Variants in TNFAIP8L3 observed in about 807,000 individuals in gnomAD.
TNFAIP8L3 encodes the protein tumor necrosis factor alpha-induced protein 8-like protein 3.
In TNFAIP8L3, 7 loss-of-function variants were observed where a neutral mutation model predicts 11.8. The observed-to-expected ratio is 0.59, with a 90% CI of 0.34 to 1.11. The LOEUF (loss-of-function observed/expected upper bound fraction) is 1.11, where lower values mean the gene tolerates loss of function less well. TNFAIP8L3 is among the 50% of genes most tolerant of loss of function. TNFAIP8L3 has a pLI of 0.03. For synonymous variants in TNFAIP8L3, 98 were observed against 103.8 expected, an observed-to-expected ratio of 0.94 and a Z score of 0.34; for missense variants, 219 against 258.6, an observed-to-expected ratio of 0.85 and a Z score of 1.05.
chr15:51,062,622 A>G (rs1328001439), intron 1 of TNFAIP8L3, among the ~76,000 whole-genome samples: 1 of 152,260 alleles, frequency 6.6e-6, no homozygotes, highest in African/African-American at 2.4e-5. Flanking sequence ...CTGCAAGAGC[A>G]GCAGCCTTCC....
At chr15:51,087,769 C>T (rs2065439823) in intron 1 of TNFAIP8L3, among the ~76,000 whole-genome samples, 1 of 151,814 alleles carries the variant, frequency 6.6e-6, no homozygotes, top group African/African-American at 2.4e-5. Flanking sequence ...TTTCCATGAA[C>T]AGGCTCAAAT....
intron 1 of TNFAIP8L3, among the ~76,000 whole-genome samples, chr15:51,078,910 T>G (rs185662740): frequency 6.6e-6 from 1 of 152,304 alleles, no homozygotes; most frequent in East Asian, 1.9e-4. Context: ...TCATGGTTTC[T>G]TCCCCGAATG....
intron 1 of TNFAIP8L3, among the ~76,000 whole-genome samples, chr15:51,083,765 G>A (rs2065408404): frequency 6.6e-6 from 1 of 152,242 alleles, no homozygotes; most frequent in Admixed American, 6.5e-5. Flanking sequence ...GAAAGCAAGG[G>A]CTGAGGCTAG....
chr15:51,058,284 T>A lies in TNFAIP8L3; in HGVS notation c.212A>T (p.Lys71Met). The stretch of plus-strand genomic sequence containing the variant: ...TTTCATGATCTTGTGGGCTTCCTTC[T>A]TGTTGTGTGTGTGCTCTTTGGTGAC... ...YKVTKEHTHN[K>M]KEAHKIMKDL... Residue 71 changes from lysine to methionine, a missense_variant, in exon 2 of 2, where the codon AAG (lysine) becomes ATG (methionine). Physicochemically the swap from Lys to Met is moderately conservative, Grantham distance 95. Transcript: ENST00000637513. 1 of 1,614,230 alleles carries A rather than the reference T, an allele frequency of 6.2e-7. No individual in the cohort carries two copies. The highest frequency in any genetic ancestry group is 8.5e-7 in the Non-Finnish European group (1 of 1,180,032).
chr15:51,089,738 A>C (rs981153344), intron 1 of TNFAIP8L3, among the ~76,000 whole-genome samples: 25 of 152,250 alleles, frequency 1.6e-4, no homozygotes, highest in Admixed American at 5.9e-4. Context: ...CAAGATGCTC[A>C]TTCACTTACT....
chr15:51,091,676 G>GCACACACA lies in TNFAIP8L3; in HGVS notation c.52+2860_52+2867dup, dbSNP rs3077947. ...AGGTAAACTAAAAAGACCTCCTCAAGCACACACACACACACACACACACAC... is the reference window on the plus strand; with the variant it reads ...AGGTAAACTAAAAAGACCTCCTCAAGCACACACACACACACACACACACACACACACAC... On this transcript the variant is annotated intron_variant, in intron 1 of 1. Coordinates refer to ENST00000637513, the MANE Select transcript of TNFAIP8L3 (RefSeq NM_001311175.2). 4.8e-3 allele frequency among the ~76,000 whole-genome samples: 693 copies of GCACACACA among 144,076 alleles called. 12 individuals are homozygous for GCACACACA. The highest frequency in any genetic ancestry group is 0.021 in the South Asian group (91 of 4,276). The allele number at this position is 144,076 out of a possible 152,430, so 94.5% of individuals were successfully genotyped here. A position where few individuals can be genotyped will look rare whatever the true frequency, so the allele number is the denominator to read the frequency against.
chr15:51,082,286 G>C (rs1037878416), intron 1 of TNFAIP8L3, among the ~76,000 whole-genome samples: 2 of 152,096 alleles, frequency 1.3e-5, no homozygotes, highest in African/African-American at 4.8e-5. Flanking sequence ...TTACTGTACT[G>C]AATACTGTAG....
chr15:51,091,511 C>T (rs1567295909), intron 1 of TNFAIP8L3, among the ~76,000 whole-genome samples: 1 of 152,146 alleles, frequency 6.6e-6, no homozygotes. Flanking sequence ...CTTTCATCTC[C>T]ACATTAGCAG....
chr15:51,064,485 T>C (rs2065258274), intron 1 of TNFAIP8L3: 1 of 152,032 alleles, frequency 6.6e-6, no homozygotes, highest in African/African-American at 2.4e-5. Flanking sequence ...TGAATATATA[T>C]ATATATGTAT....
intron 1 of TNFAIP8L3, among the ~76,000 whole-genome samples, chr15:51,100,945 C>T (rs2065546395): frequency 6.6e-6 from 1 of 152,212 alleles, no homozygotes; most frequent in African/African-American, 2.4e-5. Context: ...AAGGGGCTGA[C>T]CCCTACAGGC....
At chr15:51,062,451 T>C (rs7177527) in intron 1 of TNFAIP8L3, among the ~76,000 whole-genome samples, 1,633 of 152,242 alleles carry the variant, frequency 0.011, 27 homozygotes, top group African/African-American at 0.038. Flanking sequence ...GGTTTCTTCT[T>C]AGGTAGATGA....
At chr15:51,066,955 A>G (rs2065275803) in intron 1 of TNFAIP8L3, among the ~76,000 whole-genome samples, 2 of 152,194 alleles carry the variant, frequency 1.3e-5, no homozygotes, top group Admixed American at 1.3e-4. Context: ...AAGAAAGAAC[A>G]TGGAGCTGGA....
At chr15:51,069,192 C>T (rs2065291790) in intron 1 of TNFAIP8L3, among the ~76,000 whole-genome samples, 1 of 152,178 alleles carries the variant, frequency 6.6e-6, no homozygotes, top group African/African-American at 2.4e-5. Context: ...TGAGATCCTG[C>T]CTTTGGCTGG....
chr15:51,066,409 G>A (rs900132574), intron 1 of TNFAIP8L3, among the ~76,000 whole-genome samples: 52 of 152,086 alleles, frequency 3.4e-4, no homozygotes, highest in African/African-American at 1.2e-3. Context: ...TGATCCACCC[G>A]CCTCGGCCTC....
chr15:51,070,208 G>A (rs1291238263), intron 1 of TNFAIP8L3, among the ~76,000 whole-genome samples: 1 of 152,232 alleles, frequency 6.6e-6, no homozygotes, highest in Non-Finnish European at 1.5e-5. Flanking sequence ...CCACTGGGGG[G>A]TGAATCATCT....
chr15:51,067,882 T>G (rs1400245486), intron 1 of TNFAIP8L3, among the ~76,000 whole-genome samples: 1 of 152,244 alleles, frequency 6.6e-6, no homozygotes, highest in Non-Finnish European at 1.5e-5. Context: ...ATCCTTCCTC[T>G]TGACAAGAGC....
chr15:51,082,688 AT>A (rs1216503773), intron 1 of TNFAIP8L3, among the ~76,000 whole-genome samples: 1 of 152,040 alleles, frequency 6.6e-6, no homozygotes, highest in African/African-American at 2.4e-5. Flanking sequence ...TACAAAAATT[AT>A]TTTTTCCTTT....
intron 1 of TNFAIP8L3, among the ~76,000 whole-genome samples, chr15:51,080,639 G>T (rs1462300972): frequency 1.3e-5 from 2 of 152,160 alleles, no homozygotes; most frequent in South Asian, 2.1e-4. Flanking sequence ...TCGGCAAACC[G>T]CCTTAAAGAG....
chr15:51,065,950 G>A (rs1264272278), intron 1 of TNFAIP8L3, among the ~76,000 whole-genome samples: 2 of 152,048 alleles, frequency 1.3e-5, no homozygotes, highest in Non-Finnish European at 2.9e-5. Flanking sequence ...CAAGGCAGGG[G>A]ACCCAAAAGA....
Sources: allele counts gnomAD v4.1 joint callset (sites outside exome capture counted in the v4.1 genomes callset), GRCh38; gene constraint gnomAD v4.1.1; transcripts MANE v1.5; gene names NCBI Gene and HGNC (gene_info 2026-07-23, HGNC 2026-07-21).